Variants in PLEKHA8 observed in about 807,000 individuals in gnomAD.
PLEKHA8 encodes pleckstrin homology domain-containing family A member 8.
A neutral mutation model predicts 68.2 loss-of-function variants in PLEKHA8; 36 were observed. That is an observed-to-expected ratio of 0.53 (90% CI 0.40 to 0.70). PLEKHA8 has a LOEUF of 0.70. Among genes scored for constraint, PLEKHA8 ranks in the 30% least tolerant of loss-of-function variants. The pLI, the probability that PLEKHA8 is intolerant of heterozygous loss-of-function variation, is 0.00. For missense variants in PLEKHA8, 505 were observed against 615.4 expected, an observed-to-expected ratio of 0.82 and a Z score of 1.90; for synonymous variants, 211 against 216.1, an observed-to-expected ratio of 0.98 and a Z score of 0.20.
chr7:30,081,779 C>G lies in PLEKHA8; in HGVS notation c.*2992C>G. The G allele has an allele frequency of 1.0e-6, 1 of 985,272 alleles. No individual in the cohort carries two copies. Among genetic ancestry groups the G allele is most frequent in the Non-Finnish European group, 1.2e-6 (1 of 829,842 alleles). The allele number at this position is 985,272 out of a possible 1,614,324, so 61.0% of individuals were successfully genotyped here. ...ACAAATAAGTAACATTAGGCTAACC[C>G]CTTATGAGACATTTCCACACAATTT... On this transcript the variant is annotated 3_prime_UTR_variant, in exon 14 of 14. Coordinates refer to ENST00000449726, the MANE Select transcript of PLEKHA8 (RefSeq NM_001197026.2).
rs1790390355 is a variant in PLEKHA8, at chr7:30,028,617, GC to G, written c.-144del. On this transcript the variant is annotated 5_prime_UTR_variant, in exon 1 of 14. Coordinates refer to ENST00000449726, the MANE Select transcript of PLEKHA8 (RefSeq NM_001197026.2). ...CCCCCGGGCCGAGGATGTGAGGCGG[GC>G]CGGGCGTCCCCACACCGGGCCCGGG... 3.9e-6 allele frequency: 2 copies of G among 515,990 alleles called. No individual in the cohort carries two copies. The highest frequency in any genetic ancestry group is 2.0e-4 in the South Asian group (2 of 9,768). The allele number at this position is 515,990 out of a possible 1,614,324, so 32.0% of individuals were successfully genotyped here.
chr7:30,040,426 G>T (rs941728464), intron 1 of PLEKHA8, among the ~76,000 whole-genome samples: 1 of 152,174 alleles, frequency 6.6e-6, no homozygotes, highest in Non-Finnish European at 1.5e-5. Context: ...AAAGAAAAAA[G>T]AAACAGTCCC....
chr7:30,116,963 A>C (rs575144166), intron 13 of PLEKHA8, among the ~76,000 whole-genome samples: 1 of 152,368 alleles, frequency 6.6e-6, no homozygotes, highest in East Asian at 1.9e-4. Flanking sequence ...TTCCAAAAGC[A>C]GTTTGGCTTC....
At chr7:30,061,067 C>A in intron 10 of PLEKHA8, 125 bp downstream of exon 10, 1 of 837,104 alleles carries the variant, frequency 1.2e-6, no homozygotes, top group Non-Finnish European at 1.9e-6. Context: ...AGAGAGCAAG[C>A]ATCTTTCTTC....
At chr7:30,033,024 C>T (rs1261550591) in intron 1 of PLEKHA8, among the ~76,000 whole-genome samples, 1 of 152,196 alleles carries the variant, frequency 6.6e-6, no homozygotes, top group Non-Finnish European at 1.5e-5. Flanking sequence ...GTGACTCTTG[C>T]CCTATATACT....
At chr7:30,058,173 G>C (rs1000749927) in intron 9 of PLEKHA8, among the ~76,000 whole-genome samples, 3 of 151,952 alleles carry the variant, frequency 2.0e-5, no homozygotes, top group Admixed American at 2.0e-4. Flanking sequence ...TTACTGAGTT[G>C]GGAGAGTTCT....
At position 30,061,986 on chromosome 7, in the gene PLEKHA8, G is replaced by T; in HGVS notation, c.1188G>T (p.Gln396His). ...ACGAAGTGGAGGCGGATGTAGCCCA[G>T]GTTAGGAACTCAGCGACTGAAGCCC... is the stretch of plus-strand genomic sequence containing the variant. ...VLHEVEADVAQVRNSATEALL... is the reference protein window; with the variant it reads ...VLHEVEADVAHVRNSATEALL... The change falls in exon 11 of 14, where the codon CAG becomes CAT. Residue 396 changes from glutamine to histidine, a missense_variant. Gln to His is a conservative substitution (Grantham distance 24, BLOSUM62 0). Transcript: ENST00000449726. 1.2e-6 allele frequency: 2 copies of T among 1,613,884 alleles called. No homozygotes were observed. Among genetic ancestry groups the T allele is most frequent in the Non-Finnish European group, 1.7e-6 (2 of 1,179,910 alleles).
chr7:30,031,604 C>T (rs187315618), intron 1 of PLEKHA8, among the ~76,000 whole-genome samples: 8 of 152,246 alleles, frequency 5.3e-5, no homozygotes, highest in Non-Finnish European at 1.0e-4. Context: ...CTGGTTTAAA[C>T]ACTGTGATGT....
chr7:30,050,591 AT>A (rs1792329447), intron 6 of PLEKHA8, 117 bp downstream of exon 6: 2 of 1,295,250 alleles, frequency 1.5e-6, no homozygotes, highest in Non-Finnish European at 2.0e-6. Context: ...TTGAAATAAT[AT>A]GGAAGTAAAC....
chr7:30,078,611 T>C lies in PLEKHA8; in HGVS notation c.1384T>C (p.Ser462Pro). The C allele has an allele frequency of 2.5e-6, 4 of 1,613,794 alleles. No homozygotes were observed. Among genetic ancestry groups the C allele is most frequent in the Non-Finnish European group, 3.4e-6 (4 of 1,179,816 alleles). The change falls in exon 14 of 14, where the codon TCC becomes CCC. Residue 462 changes from serine to proline, a missense_variant. Transcript: ENST00000449726. ...GCAGTTAGCTTTAAGGGCAGCTCCA[T>C]CCTATGAAGATTTTGTGGCCGCGTT... ...VFALALRAAP[S>P]YEDFVAALTV...
chr7:30,121,877 T>C lies in PLEKHA8; in HGVS notation c.1363-7389T>C, dbSNP rs985666250. ...TGCACATACCAGGGAGTTCACACTTTTCCTGCCCAGGCCTAGAGTTGCTTG... is the reference window on the plus strand; with the variant it reads ...TGCACATACCAGGGAGTTCACACTTCTCCTGCCCAGGCCTAGAGTTGCTTG... On this transcript the variant is annotated intron_variant, in intron 13 of 13. Coordinates refer to the PLEKHA8 transcript ENST00000396257. 2.0e-5 allele frequency among the ~76,000 whole-genome samples: 3 copies of C among 152,368 alleles called. 1 individual carries two copies. Among genetic ancestry groups the C allele is most frequent in the Non-Finnish European group, 4.4e-5 (3 of 68,032 alleles).
rs111312698 is a variant in PLEKHA8 at position 30,118,276 on chromosome 7, A to G, written c.1363-10990A>G. The stretch of plus-strand genomic sequence containing the variant: ...GAACTTATTTGATTGTTTTTCTGCC[A>G]TCAGATAGAATGAGGTCTCAAAAGA... On this transcript the variant is annotated intron_variant, in intron 13 of 13. Coordinates refer to the PLEKHA8 transcript ENST00000396257. 66 of 380,774 alleles carry G rather than the reference A, an allele frequency of 1.7e-4. 1 individual carries two copies. The highest frequency in any genetic ancestry group is 1.2e-3 in the African/African-American group (60 of 48,438). The allele number at this position is 380,774 out of a possible 1,614,324, so 23.6% of individuals were successfully genotyped here.
At chr7:30,066,650 G>A (rs951128222) in intron 12 of PLEKHA8, among the ~76,000 whole-genome samples, 9 of 152,162 alleles carry the variant, frequency 5.9e-5, no homozygotes, top group Non-Finnish European at 8.8e-5. Flanking sequence ...AGAGGTTTTG[G>A]AAAGCATCCT....
chr7:30,091,981 CT>C (rs1460545498), downstream of PLEKHA8, among the ~76,000 whole-genome samples: 2 of 152,166 alleles, frequency 1.3e-5, no homozygotes, highest in Non-Finnish European at 2.9e-5. Context: ...ACCATTCAGC[CT>C]TATGTTCATA....
rs535121127 is a variant in PLEKHA8, at chr7:30,043,403, G to T, written c.41-1682G>T. On this transcript the variant is annotated intron_variant, in intron 1 of 13. Coordinates refer to ENST00000449726, the MANE Select transcript of PLEKHA8 (RefSeq NM_001197026.2). ...GATAAGGCCTAAGGGTTCCTGACCT[G>T]CAATAAAGGGTCTAGGTCTCTGGGA... 2.0e-3 allele frequency among the ~76,000 whole-genome samples: 303 copies of T among 152,210 alleles called. 1 individual carries two copies. The highest frequency in any genetic ancestry group is 3.2e-3 in the Non-Finnish European group (220 of 68,010).
chr7:30,036,971 G>A (rs1273844966), intron 1 of PLEKHA8, among the ~76,000 whole-genome samples: 2 of 152,158 alleles, frequency 1.3e-5, no homozygotes, highest in African/African-American at 4.8e-5. Context: ...GGAACCCAAG[G>A]CTTTGCTGTC....
rs767653364 is a variant in PLEKHA8, at chr7:30,082,747, GA to G, written c.*3961del. On this transcript the variant is annotated 3_prime_UTR_variant, in exon 14 of 14. Transcript: ENST00000449726. Reference sequence around the variant, plus strand: ...GAGGGAAAGAGGAGCCAAAGTAAGAGATTTTTTTTTAAGGAAACTTAATCTG... The same window carrying G: ...GAGGGAAAGAGGAGCCAAAGTAAGAGTTTTTTTTTAAGGAAACTTAATCTG... The G allele has an allele frequency of 3.6e-5, 35 of 985,078 alleles. No homozygotes were observed. The highest frequency in any genetic ancestry group is 4.0e-5 in the Non-Finnish European group (33 of 829,746). The allele number at this position is 985,078 out of a possible 1,614,324, so 61.0% of individuals were successfully genotyped here.
chr7:30,129,854 T>C (rs1280283480), downstream of PLEKHA8: 1 of 156,742 alleles, frequency 6.4e-6, no homozygotes, highest in Non-Finnish European at 1.4e-5. Flanking sequence ...TTTGAAGTCT[T>C]TCTAATGCCC....
intron 1 of PLEKHA8, among the ~76,000 whole-genome samples, chr7:30,041,698 A>G (rs1219241090): frequency 6.6e-6 from 1 of 152,154 alleles, no homozygotes; most frequent in Non-Finnish European, 1.5e-5. Context: ...CCCAGCCTTC[A>G]AGCTGCTTTC....
Sources: allele counts gnomAD v4.1 joint callset (sites outside exome capture counted in the v4.1 genomes callset), GRCh38; gene constraint gnomAD v4.1.1; transcripts MANE v1.5; gene names NCBI Gene and HGNC (gene_info 2026-07-23, HGNC 2026-07-21).